Variants in KCTD8 observed in about 807,000 individuals in gnomAD.
KCTD8 encodes potassium channel tetramerization domain containing 8.
In KCTD8, 27 loss-of-function variants were observed where a neutral mutation model predicts 31.5. The ratio of observed to expected loss-of-function variants is 0.86; its 90% confidence interval spans 0.63 to 1.18. KCTD8 has a LOEUF of 1.18. Ranked by LOEUF, KCTD8 falls within the 50% of genes most tolerant of loss-of-function variation. The probability of loss-of-function intolerance (pLI) is 0.00; values close to 1 mark genes in which losing one functional copy is unlikely to be tolerated. For synonymous variants in KCTD8, 290 were observed against 280.0 expected (o/e 1.04, Z -0.36); for missense variants, 658 against 647.7 (o/e 1.02, Z -0.17).
At chr4:44,308,556 T>C (rs1159020000) in intron 1 of KCTD8, among the ~76,000 whole-genome samples, 1 of 148,860 alleles carries the variant, frequency 6.7e-6, no homozygotes, top group African/African-American at 2.4e-5. Flanking sequence ...TATTTTATTG[T>C]CTGTATTTGT....
At chr4:44,207,873 A>G (rs1714362509) in intron 1 of KCTD8, among the ~76,000 whole-genome samples, 1 of 152,200 alleles carries the variant, frequency 6.6e-6, no homozygotes, top group African/African-American at 2.4e-5. Flanking sequence ...GAGCAGTTTC[A>G]TTAGGTGCTA....
chr4:44,420,492 ATAAC>A (rs1425108192), intron 1 of KCTD8, among the ~76,000 whole-genome samples: 2 of 152,222 alleles, frequency 1.3e-5, no homozygotes, highest in Non-Finnish European at 2.9e-5. Context: ...CAAAATAGAC[ATAAC>A]TAACAGGTGA....
Position 44,191,025 on chromosome 4 carries a change from G to A in KCTD8, c.962-15775C>T, listed in dbSNP as rs183622877. ...CTTAATGCTGTTGTGGGAAGTCAGGGACCCTGAATGGAGGGACCGGCTGGA... is the reference window on the plus strand; with the variant it reads ...CTTAATGCTGTTGTGGGAAGTCAGGAACCCTGAATGGAGGGACCGGCTGGA... On this transcript the variant is annotated intron_variant, in intron 1 of 1. Transcript: ENST00000360029. Among the ~76,000 whole-genome samples the A allele has an allele frequency of 1.6e-4, 25 of 152,268 alleles. No individual in the cohort carries two copies. The East Asian group carries it at 4.3e-3, about 26-fold the overall frequency.
At chr4:44,293,209 C>T (rs1254721401) in intron 1 of KCTD8, among the ~76,000 whole-genome samples, 1 of 152,064 alleles carries the variant, frequency 6.6e-6, no homozygotes, top group Non-Finnish European at 1.5e-5. Context: ...CCATAAGCTG[C>T]AGTTGTCTTT....
intron 1 of KCTD8, among the ~76,000 whole-genome samples, chr4:44,241,418 C>T (rs1017948868): frequency 9.8e-5 from 15 of 152,316 alleles, no homozygotes; most frequent in African/African-American, 2.6e-4. Context: ...CACGCACATT[C>T]GTTCAGACCT....
intron 1 of KCTD8, among the ~76,000 whole-genome samples, chr4:44,389,708 T>C (rs1437613705): frequency 6.6e-6 from 1 of 151,892 alleles, no homozygotes; most frequent in African/African-American, 2.4e-5. Context: ...CTGAACTGTA[T>C]GCTTAAAAAT....
At chr4:44,433,949 C>A (rs1244093854) in intron 1 of KCTD8, among the ~76,000 whole-genome samples, 1 of 151,874 alleles carries the variant, frequency 6.6e-6, no homozygotes, top group Non-Finnish European at 1.5e-5. Context: ...ATTCTATGTG[C>A]AGTCTGCTGC....
At chr4:44,313,809 A>G (rs1718023264) in intron 1 of KCTD8, among the ~76,000 whole-genome samples, 1 of 152,222 alleles carries the variant, frequency 6.6e-6, no homozygotes, top group Non-Finnish European at 1.5e-5. Context: ...GAATGTCTTA[A>G]TTGTTAACTA....
At chr4:44,266,899 C>G (rs1243466666) in intron 1 of KCTD8, among the ~76,000 whole-genome samples, 1 of 151,394 alleles carries the variant, frequency 6.6e-6, no homozygotes, top group Non-Finnish European at 1.5e-5. Context: ...TAAAGCAAGT[C>G]CTGAGTGACC....
intron 1 of KCTD8, among the ~76,000 whole-genome samples, chr4:44,366,874 G>C (rs116418743): frequency 6.6e-6 from 1 of 152,256 alleles, no homozygotes; most frequent in African/African-American, 2.4e-5. Flanking sequence ...TTTGGAAGAG[G>C]AATTTTGTCA....
intron 1 of KCTD8, among the ~76,000 whole-genome samples, chr4:44,260,666 C>T (rs929864078): frequency 4.6e-5 from 7 of 151,804 alleles, no homozygotes; most frequent in South Asian, 2.1e-4. Context: ...AATGTCATCA[C>T]GTTTAGAATT....
intron 1 of KCTD8, among the ~76,000 whole-genome samples, chr4:44,243,529 A>C (rs1715566108): frequency 6.6e-6 from 1 of 152,206 alleles, no homozygotes; most frequent in Admixed American, 6.5e-5. Flanking sequence ...AATAAAGGCA[A>C]GGCCTGGAAA....
intron 1 of KCTD8, among the ~76,000 whole-genome samples, chr4:44,356,535 A>G (rs369243862): frequency 6.6e-5 from 10 of 152,036 alleles, no homozygotes; most frequent in African/African-American, 2.2e-4. Flanking sequence ...GTGCAGTGGC[A>G]CGATCTCAAC....
chr4:44,281,721 C>A (rs1489968322), intron 1 of KCTD8, among the ~76,000 whole-genome samples: 2 of 152,058 alleles, frequency 1.3e-5, no homozygotes, highest in Non-Finnish European at 2.9e-5. Context: ...TTGAGAGCAG[C>A]TATGTAGAAC....
rs540615695 is a variant in KCTD8, at chr4:44,385,404, T to C, written c.961+62159A>G. Among the ~76,000 whole-genome samples the C allele has an allele frequency of 9.2e-5, 14 of 151,836 alleles. No homozygotes were observed. In the East Asian group the frequency reaches 1.6e-3, roughly 17 times the overall value. ...AAGCCTAGAAATAAACCCTTACTTA[T>C]ACGGTAAAATGATTTTTGACAAAAG... On this transcript the variant is annotated intron_variant, in intron 1 of 1. Coordinates refer to ENST00000360029, the MANE Select transcript of KCTD8 (RefSeq NM_198353.3).
intron 1 of KCTD8, among the ~76,000 whole-genome samples, chr4:44,320,232 A>G (rs1217979635): frequency 6.9e-6 from 1 of 144,842 alleles, no homozygotes; most frequent in African/African-American, 2.5e-5. Context: ...GTCTGCTTCC[A>G]TGGGGCTTCA....
At chr4:44,370,271 T>C (rs1413515180) in intron 1 of KCTD8, among the ~76,000 whole-genome samples, 1 of 152,212 alleles carries the variant, frequency 6.6e-6, no homozygotes, top group Non-Finnish European at 1.5e-5. Context: ...TGCAAATGTA[T>C]ACATAAGAAG....
intron 1 of KCTD8, among the ~76,000 whole-genome samples, chr4:44,382,382 A>G (rs895911718): frequency 2.0e-5 from 3 of 152,082 alleles, no homozygotes; most frequent in Non-Finnish European, 4.4e-5. Context: ...TGACAAACCC[A>G]TGTTTAACAT....
At chr4:44,206,970 G>C (rs1471963014) in intron 1 of KCTD8, among the ~76,000 whole-genome samples, 1 of 152,148 alleles carries the variant, frequency 6.6e-6, no homozygotes, top group Non-Finnish European at 1.5e-5. Flanking sequence ...ACTATTTGTT[G>C]GGTCCTTTTA....
Sources: allele counts gnomAD v4.1 joint callset (sites outside exome capture counted in the v4.1 genomes callset), GRCh38; gene constraint gnomAD v4.1.1; transcripts MANE v1.5; gene names NCBI Gene and HGNC (gene_info 2026-07-23, HGNC 2026-07-21).